Variants in ADGRL3 observed in about 807,000 individuals in gnomAD.
ADGRL3 encodes the protein calcium-independent alpha-latrotoxin receptor 3.
ADGRL3 carries 62 observed loss-of-function variants against 153.5 expected under a neutral mutation model. That is an observed-to-expected ratio of 0.40 (90% CI 0.33 to 0.50). The LOEUF is 0.50. Among genes scored for constraint, ADGRL3 ranks in the 20% least tolerant of loss-of-function variants. The probability of loss-of-function intolerance (pLI) is 0.47; values close to 1 mark genes in which losing one functional copy is unlikely to be tolerated. For synonymous variants in ADGRL3, 710 were observed against 672.5 expected, an observed-to-expected ratio of 1.06 and a Z score of -0.86; for missense variants, 1,641 against 1,859.4, an observed-to-expected ratio of 0.88 and a Z score of 2.16.
At chr4:61,510,158 A>C (rs1363369216) in intron 3 of ADGRL3, among the ~76,000 whole-genome samples, 1 of 152,102 alleles carries the variant, frequency 6.6e-6, no homozygotes, top group Non-Finnish European at 1.5e-5. Flanking sequence ...CTGTAATATT[A>C]GATGTTTGTC....
At chr4:61,388,246 G>T (rs2096762875) in intron 2 of ADGRL3, among the ~76,000 whole-genome samples, 2 of 152,116 alleles carry the variant, frequency 1.3e-5, no homozygotes, top group Admixed American at 1.3e-4. Context: ...GCATAAGTGG[G>T]TTAACAATAT....
intron 1 of ADGRL3, among the ~76,000 whole-genome samples, chr4:61,321,188 T>A (rs549725871): frequency 6.6e-6 from 1 of 152,316 alleles, no homozygotes; most frequent in East Asian, 1.9e-4. Flanking sequence ...CTCTGAGCTT[T>A]AGGGCATGGG....
intron 1 of ADGRL3, among the ~76,000 whole-genome samples, chr4:61,363,339 AT>A (rs35533541): frequency 2.8e-3 from 409 of 146,876 alleles, no homozygotes; most frequent in African/African-American, 5.2e-3. Context: ...AAAGCCGGTA[AT>A]TTTTTTTTTT....
chr4:61,551,298 T>G (rs76279050), intron 4 of ADGRL3, among the ~76,000 whole-genome samples: 4 of 152,222 alleles, frequency 2.6e-5, no homozygotes, highest in African/African-American at 4.8e-5. Flanking sequence ...TATATAAAAG[T>G]TTTGTAGTCA....
intron 1 of ADGRL3, among the ~76,000 whole-genome samples, chr4:61,255,360 T>A (rs2091860898): frequency 6.6e-6 from 1 of 152,208 alleles, no homozygotes; most frequent in African/African-American, 2.4e-5. Context: ...TAGTAAACAT[T>A]GGCTTGATTT....
intron 2 of ADGRL3, among the ~76,000 whole-genome samples, chr4:61,425,896 C>G (rs2097273145): frequency 6.6e-6 from 1 of 152,218 alleles, no homozygotes; most frequent in South Asian, 2.1e-4. Flanking sequence ...TTTTTGTTAT[C>G]CTGCCTTTAG....
chr4:62,002,734 G>A (rs1281904048), intron 21 of ADGRL3, among the ~76,000 whole-genome samples: 6 of 152,018 alleles, frequency 3.9e-5, no homozygotes, highest in Non-Finnish European at 5.9e-5. Context: ...GGTAATTATA[G>A]TTAGAGGAAA....
chr4:62,013,607 C>T (rs778310447), intron 21 of ADGRL3, among the ~76,000 whole-genome samples: 3 of 151,684 alleles, frequency 2.0e-5, no homozygotes, highest in East Asian at 1.9e-4. Context: ...CTTCAAAAAA[C>T]GGCCGGGCAT....
intron 4 of ADGRL3, among the ~76,000 whole-genome samples, chr4:61,576,888 A>G (rs930635832): frequency 6.6e-6 from 1 of 151,888 alleles, no homozygotes; most frequent in South Asian, 2.1e-4. Context: ...CAATTGTCCA[A>G]TTCTGAATGG....
At chr4:61,519,124 T>TA (rs1482541650) in intron 4 of ADGRL3, among the ~76,000 whole-genome samples, 1 of 152,164 alleles carries the variant, frequency 6.6e-6, no homozygotes, top group African/African-American at 2.4e-5. Flanking sequence ...GCAACTAATG[T>TA]AAACACAAAC....
At chr4:61,339,612 T>G (rs910879429) in intron 1 of ADGRL3, among the ~76,000 whole-genome samples, 4 of 152,212 alleles carry the variant, frequency 2.6e-5, no homozygotes, top group Non-Finnish European at 5.9e-5. Context: ...TGCAAGAGAC[T>G]TCATATGTTT....
rs561348818 is a variant in ADGRL3, at chr4:61,666,757, C to T, written c.474-10069C>T. On this transcript the variant is annotated intron_variant, in intron 5 of 26. Coordinates refer to ENST00000683033, the MANE Select transcript of ADGRL3 (RefSeq NM_001387552.1). ...ATAAGCAATATCTTTATTTGCTGCA[C>T]TTTCAGATAATGAATTCAAGTACAT... 2.6e-5 allele frequency among the ~76,000 whole-genome samples: 4 copies of T among 152,188 alleles called. No homozygotes were observed. In the East Asian group the frequency reaches 7.7e-4, roughly 29 times the overall value.
chr4:61,749,323 C>G (rs1024737864), intron 8 of ADGRL3, among the ~76,000 whole-genome samples: 8 of 152,072 alleles, frequency 5.3e-5, no homozygotes, highest in Non-Finnish European at 1.2e-4. Context: ...GGATCTAGAA[C>G]TAGAAATACC....
chr4:62,044,499 A>C lies in ADGRL3; in HGVS notation c.3764A>C (p.Glu1255Ala). The change falls in exon 25 of 27, where the codon GAG (glutamate) becomes GCG (alanine). Residue 1255 changes from glutamate to alanine, a missense_variant. This residue lies in a region of ADGRL3 where 517 missense variants were observed against 555.0 expected (regional missense o/e 0.93). Transcript: ENST00000683033. ...MWNDTVRKQSESSFITGDINS... is the reference protein window; with the variant it reads ...MWNDTVRKQSASSFITGDINS... ...AATGACACGGTTCGAAAGCAGTCAG[A>C]GTCTTCCTTTATTACTGGAGACATA... 1 of 1,599,012 alleles carries C rather than the reference A, an allele frequency of 6.3e-7. No individual in the cohort carries two copies. Among genetic ancestry groups the C allele is most frequent in the Non-Finnish European group, 8.5e-7 (1 of 1,172,350 alleles).
intron 1 of ADGRL3, among the ~76,000 whole-genome samples, chr4:61,363,173 G>A (rs2096321677): frequency 6.6e-6 from 1 of 152,114 alleles, no homozygotes; most frequent in Non-Finnish European, 1.5e-5. Flanking sequence ...TCTTAGATAT[G>A]AGTAGCATTT....
intron 3 of ADGRL3, among the ~76,000 whole-genome samples, chr4:61,503,610 G>A (rs991900245): frequency 1.3e-5 from 2 of 151,468 alleles, no homozygotes; most frequent in Admixed American, 6.6e-5. Flanking sequence ...TTGAAAAGAC[G>A]GTAAGATATC....
intron 15 of ADGRL3, among the ~76,000 whole-genome samples, chr4:61,938,732 C>T (rs1458692584): frequency 6.6e-6 from 1 of 151,844 alleles, no homozygotes; most frequent in Non-Finnish European, 1.5e-5. Flanking sequence ...ATGCATCTAG[C>T]GGAAGTGCCC....
intron 21 of ADGRL3, among the ~76,000 whole-genome samples, chr4:62,003,458 TA>T (rs1250947659): frequency 6.6e-6 from 1 of 152,184 alleles, no homozygotes; most frequent in Non-Finnish European, 1.5e-5. Flanking sequence ...TTCAGTCCTG[TA>T]ATGTTTACAC....
intron 9 of ADGRL3, among the ~76,000 whole-genome samples, chr4:61,855,361 A>T (rs762519124): frequency 2.0e-5 from 3 of 152,168 alleles, no homozygotes; most frequent in Non-Finnish European, 2.9e-5. Context: ...CATGTAGTTG[A>T]CTTAGTTTTT....
Sources: gnomAD v4.1 joint callset for allele counts (sites outside exome capture counted in the v4.1 genomes callset) on GRCh38, gnomAD v4.1.1 for gene constraint, gnomAD v4.1.1 regional missense constraint, MANE v1.5 for transcripts, NCBI Gene and HGNC (gene_info 2026-07-23, HGNC 2026-07-21) for gene names.